NRF1: variants seen among roughly 807,000 people sequenced by gnomAD.
NRF1 encodes nuclear respiratory factor 1, also known as alpha palindromic-binding protein.
A neutral mutation model predicts 58.5 loss-of-function variants in NRF1; 5 were observed. The ratio of observed to expected loss-of-function variants is 0.09; its 90% CI spans 0.04 to 0.18. The LOEUF is 0.18. Among genes scored for constraint, NRF1 ranks in the 10% least tolerant of loss-of-function variants. NRF1 has a pLI of 1.00. For synonymous variants in NRF1, 224 were observed against 246.7 expected (o/e 0.91, Z 0.86); for missense variants, 288 against 657.7 (o/e 0.44, Z 6.15).
chr7:129,699,349 A>G (rs1195251206), intron 5 of NRF1, among the ~76,000 whole-genome samples: 1 of 152,228 alleles, frequency 6.6e-6, no homozygotes, highest in Non-Finnish European at 1.5e-5. Context: ...AGAAAACATT[A>G]TGCTAAGTGA....
At chr7:129,637,930 C>T (rs1801205595) in intron 1 of NRF1, among the ~76,000 whole-genome samples, 1 of 151,426 alleles carries the variant, frequency 6.6e-6, no homozygotes, top group Admixed American at 6.6e-5. Flanking sequence ...TTATGTGTGG[C>T]CCAAGACAAT....
intron 10 of NRF1, among the ~76,000 whole-genome samples, chr7:129,729,193 G>T (rs1285833848): frequency 6.6e-6 from 1 of 151,046 alleles, no homozygotes; most frequent in African/African-American, 2.4e-5. Flanking sequence ...TTATAATTCT[G>T]GCTCCTCCCC....
chr7:129,616,027 G>A (rs142718710), intron 1 of NRF1, among the ~76,000 whole-genome samples: 1 of 152,168 alleles, frequency 6.6e-6, no homozygotes, highest in African/African-American at 2.4e-5. Flanking sequence ...TAAGTGGATT[G>A]CTTATACCTT....
At chr7:129,751,170 G>A (rs1032616423) in intron 10 of NRF1, among the ~76,000 whole-genome samples, 1 of 152,232 alleles carries the variant, frequency 6.6e-6, no homozygotes, top group Non-Finnish European at 1.5e-5. Context: ...AGGCATGGAG[G>A]TGTGTGCTTG....
chr7:129,745,508 C>CG (rs1370710981), intron 10 of NRF1, among the ~76,000 whole-genome samples: 3 of 99,044 alleles, frequency 3.0e-5, no homozygotes, highest in East Asian at 7.2e-4. Context: ...CCCCCTCAAC[C>CG]CCCCCCCCAT....
intron 1 of NRF1, among the ~76,000 whole-genome samples, chr7:129,619,003 CAG>C (rs1294105211): frequency 6.6e-6 from 1 of 152,114 alleles, no homozygotes; most frequent in East Asian, 1.9e-4. Context: ...TGTCAACACT[CAG>C]AAAGTTTCAG....
intron 1 of NRF1, among the ~76,000 whole-genome samples, chr7:129,652,365 TAG>T (rs1338539612): frequency 1.3e-5 from 2 of 152,194 alleles, no homozygotes; most frequent in African/African-American, 4.8e-5. Context: ...TTAATACAAG[TAG>T]AGATAGTGTT....
intron 7 of NRF1, 49 bp from the exon 8 acceptor site, chr7:129,711,426 G>A (rs1183474963): frequency 2.8e-6 from 4 of 1,404,878 alleles, no homozygotes; most frequent in Non-Finnish European, 4.0e-6. Flanking sequence ...GTAAAGAGGT[G>A]GAAGGATCCA....
chr7:129,673,016 A>G (rs2151084036), intron 3 of NRF1, among the ~76,000 whole-genome samples: 1 of 152,314 alleles, frequency 6.6e-6, no homozygotes, highest in South Asian at 2.1e-4. Context: ...CTAAGAAGCA[A>G]CCAGTGAGTC....
chr7:129,707,269 T>C (rs1406567727), intron 5 of NRF1, among the ~76,000 whole-genome samples: 1 of 152,190 alleles, frequency 6.6e-6, no homozygotes, highest in Non-Finnish European at 1.5e-5. Context: ...GCAGGGATTA[T>C]AGGCATGAGC....
At chr7:129,648,090 T>C (rs1337815423) in intron 1 of NRF1, among the ~76,000 whole-genome samples, 1 of 151,348 alleles carries the variant, frequency 6.6e-6, no homozygotes, top group African/African-American at 2.4e-5. Flanking sequence ...GGACTTACAA[T>C]AAAAATCAAT....
chr7:129,676,691 A>G (rs1802187394), intron 3 of NRF1, among the ~76,000 whole-genome samples: 1 of 152,240 alleles, frequency 6.6e-6, no homozygotes, highest in African/African-American at 2.4e-5. Context: ...AGAGTTACCA[A>G]AATGTGACAC....
At chr7:129,629,013 A>G (rs748949517) in intron 1 of NRF1, among the ~76,000 whole-genome samples, 10 of 152,254 alleles carry the variant, frequency 6.6e-5, no homozygotes, top group African/African-American at 2.4e-4. Flanking sequence ...ATGGAAAACT[A>G]TTAGACTCAC....
chr7:129,671,313 A>G, intron 2 of NRF1, 116 bp from the exon 3 acceptor site: 1 of 610,154 alleles, frequency 1.6e-6, no homozygotes, highest in Non-Finnish European at 2.9e-6. Context: ...ATCATTCTTT[A>G]TTTACCGACA....
chr7:129,737,624 C>T (rs947465012), intron 10 of NRF1, among the ~76,000 whole-genome samples: 4 of 152,130 alleles, frequency 2.6e-5, no homozygotes, highest in African/African-American at 9.7e-5. Flanking sequence ...TGGGCTTGTT[C>T]TCACAAGAGT....
chr7:129,708,569 A>G (rs911328375), intron 5 of NRF1, among the ~76,000 whole-genome samples: 1 of 152,056 alleles, frequency 6.6e-6, no homozygotes, highest in Non-Finnish European at 1.5e-5. Flanking sequence ...TTGAATTCTC[A>G]TTATTGTTTG....
At chr7:129,664,251 A>G (rs897836897) in intron 2 of NRF1, among the ~76,000 whole-genome samples, 1 of 152,214 alleles carries the variant, frequency 6.6e-6, no homozygotes, top group Non-Finnish European at 1.5e-5. Flanking sequence ...GCTACATTTT[A>G]TATCTTTCAC....
intron 4 of NRF1, among the ~76,000 whole-genome samples, chr7:129,680,927 A>G (rs141659769): frequency 1.1e-3 from 168 of 152,292 alleles, no homozygotes; most frequent in African/African-American, 3.8e-3. Flanking sequence ...GGTGAATTGT[A>G]TGGTATGACA....
Position 129,755,393 on chromosome 7 carries a change from C to A in NRF1, c.*212C>A. 1 of 519,474 alleles carries A rather than the reference C, an allele frequency of 1.9e-6. No individual in the cohort carries two copies. Among genetic ancestry groups the A allele is most frequent in the Non-Finnish European group, 3.3e-6 (1 of 304,826 alleles). 32.2% of individuals were successfully genotyped at this position (519,474 alleles called of 1,614,324 possible). Reference sequence around the variant, plus strand: ...GGGATTGGTGAAGAAACTGCATTGTCAATTTCACTGTCCCAAAAAAGCCAA... The same window carrying A: ...GGGATTGGTGAAGAAACTGCATTGTAAATTTCACTGTCCCAAAAAAGCCAA... On this transcript the variant is annotated 3_prime_UTR_variant, in exon 11 of 11. Transcript: ENST00000393232. The surrounding 1 kb of genome is among the most constrained non-coding windows in gnomAD (Gnocchi z 5.8).
Sources: gnomAD v4.1 joint callset for allele counts (sites outside exome capture counted in the v4.1 genomes callset) on GRCh38, gnomAD v4.1.1 for gene constraint, Gnocchi (gnomAD v3.1) non-coding constraint, MANE v1.5 for transcripts, NCBI Gene and HGNC (gene_info 2026-07-23, HGNC 2026-07-21) for gene names.